MYO3A: variants seen among roughly 807,000 people sequenced by gnomAD.
The protein encoded by MYO3A is myosin-IIIa.
Under a neutral mutation model 192.7 loss-of-function variants are expected in MYO3A, and 180 were observed. The ratio of observed to expected loss-of-function variants is 0.93; its 90% confidence interval spans 0.83 to 1.06. The LOEUF (loss-of-function observed/expected upper bound fraction) is 1.06. Ranked by LOEUF, MYO3A falls within the 50% of genes least tolerant of loss-of-function variation. MYO3A has a pLI of 0.00. For missense variants in MYO3A, 1,896 were observed against 1,905.0 expected (o/e 1.00, Z 0.09); for synonymous variants, 628 against 645.3 (o/e 0.97, Z 0.41).
intron 4 of MYO3A, among the ~76,000 whole-genome samples, chr10:25,974,080 A>G (rs934463526): frequency 1.3e-5 from 2 of 152,230 alleles, no homozygotes; most frequent in African/African-American, 2.4e-5. Context: ...CAAAAGCCCA[A>G]ATCGACAAAT....
chr10:26,046,851 A>C (rs1437701741), intron 10 of MYO3A, among the ~76,000 whole-genome samples: 2 of 152,214 alleles, frequency 1.3e-5, no homozygotes, highest in African/African-American at 4.8e-5. Context: ...TTTCTTTGGT[A>C]CCTTTAGCAT....
intron 6 of MYO3A, among the ~76,000 whole-genome samples, chr10:25,997,569 C>T (rs538000509): frequency 3.9e-5 from 6 of 152,188 alleles, no homozygotes; most frequent in Non-Finnish European, 8.8e-5. Context: ...ATGGTTCCTA[C>T]TAGTGATTGC....
chr10:26,147,077 A>G (rs1840507115), intron 22 of MYO3A, among the ~76,000 whole-genome samples: 2 of 152,234 alleles, frequency 1.3e-5, no homozygotes, highest in South Asian at 4.1e-4. Context: ...ATCAATTATC[A>G]TAGAAATAGG....
rs887154262 is a variant in MYO3A at position 26,153,941 on chromosome 10, C to CT, written c.2715+19dup. On this transcript the variant is annotated intron_variant, in intron 24 of 34. Coordinates refer to ENST00000642920, the MANE Select transcript of MYO3A (RefSeq NM_017433.5). The stretch of plus-strand genomic sequence containing the variant: ...TCAACCTGGCAAAGGTAAGAAAATG[C>CT]TTTTTTTCTTGGCAGTGAGTCTAAG... The CT allele has an allele frequency of 1.3e-6, 2 of 1,552,384 alleles. No homozygotes were observed. The highest frequency in any genetic ancestry group is 1.8e-6 in the Non-Finnish European group (2 of 1,124,686).
intron 6 of MYO3A, among the ~76,000 whole-genome samples, chr10:26,014,454 TA>T (rs1006979986): frequency 2.0e-5 from 3 of 152,030 alleles, no homozygotes; most frequent in African/African-American, 4.8e-5. Context: ...TATTTAACTT[TA>T]AAAAAATCCA....
chr10:26,149,235 G>A (rs1840647816), intron 23 of MYO3A, among the ~76,000 whole-genome samples: 1 of 150,842 alleles, frequency 6.6e-6, no homozygotes. Context: ...GTTTGTTTTT[G>A]TTTTTCATGT....
Position 26,068,816 on chromosome 10 carries a change from T to G in MYO3A, c.1102T>G (p.Tyr368Asp). ...GAAGTGTTATTCCAGAGATCAGATC[T>G]ACGTCTATGTGGGAGACATACTCAT... ...LEKCYSRDQI[Y>D]VYVGDILIAL... The change falls in exon 12 of 35, where the codon TAC becomes GAC. Residue 368 changes from tyrosine (Y) to aspartate (D), a missense_variant. Coordinates refer to ENST00000642920, the MANE Select transcript of MYO3A (RefSeq NM_017433.5). 1 of 1,599,664 alleles carries G rather than the reference T, an allele frequency of 6.3e-7. No individual in the cohort carries two copies. Among genetic ancestry groups the G allele is most frequent in the Non-Finnish European group, 8.6e-7 (1 of 1,166,950 alleles).
chr10:26,175,890 T>C (rs934633500), intron 30 of MYO3A, among the ~76,000 whole-genome samples: 1 of 152,032 alleles, frequency 6.6e-6, no homozygotes, highest in Non-Finnish European at 1.5e-5. Flanking sequence ...AGCCTCACAC[T>C]CAACCCAGCA....
rs766942631 is a variant in MYO3A, at chr10:26,154,743, T to C, written c.2716-3T>C. The C allele has an allele frequency of 3.1e-6, 5 of 1,613,336 alleles. 1 individual carries two copies. The South Asian group carries it at 4.4e-5, about 14-fold the overall frequency. ...GCATCACTGTCTTCCTTGGTCTCCT[T>C]AGGGCGACACTGGAGAAGCCACACG... On this transcript the variant is annotated splice_region_variant and splice_polypyrimidine_tract_variant and intron_variant, in intron 24 of 34. Coordinates refer to ENST00000642920, the MANE Select transcript of MYO3A (RefSeq NM_017433.5).
chr10:26,096,257 A>C, intron 15 of MYO3A, 124 bp from the exon 16 acceptor site: 1 of 706,966 alleles, frequency 1.4e-6, no homozygotes, highest in Non-Finnish European at 2.4e-6. Context: ...AGAAAGCCAA[A>C]ATGCAGTATT....
chr10:26,133,664 A>T lies in MYO3A; in HGVS notation c.2262+5126A>T, dbSNP rs115518051. ...ACTAGAGTGCAGTGGCACAATCAAG[A>T]CTCACTGTAGCATCGAACTCCTGAG... On this transcript the variant is annotated intron_variant, in intron 20 of 34. Coordinates refer to ENST00000642920, the MANE Select transcript of MYO3A (RefSeq NM_017433.5). 6.8e-3 allele frequency among the ~76,000 whole-genome samples: 1,034 copies of T among 152,142 alleles called. 13 individuals are homozygous for T. Among genetic ancestry groups the T allele is most frequent in the African/African-American group, 0.023 (969 of 41,516 alleles).
chr10:26,182,445 A>G (rs1386498880), intron 31 of MYO3A, among the ~76,000 whole-genome samples: 1 of 152,242 alleles, frequency 6.6e-6, no homozygotes, highest in Non-Finnish European at 1.5e-5. Flanking sequence ...GATAGGAACC[A>G]AAAACCCTTT....
intron 20 of MYO3A, among the ~76,000 whole-genome samples, chr10:26,131,623 T>A (rs1378646965): frequency 6.6e-6 from 1 of 152,180 alleles, no homozygotes; most frequent in Non-Finnish European, 1.5e-5. Flanking sequence ...TCTAGATATT[T>A]AGAATGTTAA....
At chr10:26,025,832 G>C (rs1334912565) in intron 9 of MYO3A, among the ~76,000 whole-genome samples, 1 of 152,176 alleles carries the variant, frequency 6.6e-6, no homozygotes, top group Non-Finnish European at 1.5e-5. Flanking sequence ...TACATCTGCT[G>C]TATGACCTCA....
At chr10:25,979,587 C>A (rs971087663) in intron 4 of MYO3A, among the ~76,000 whole-genome samples, 1 of 151,476 alleles carries the variant, frequency 6.6e-6, no homozygotes, top group Non-Finnish European at 1.5e-5. Flanking sequence ...ATTTAATATT[C>A]TCTTTAAAAC....
At chr10:26,013,742 T>C (rs1841814803) in intron 6 of MYO3A, among the ~76,000 whole-genome samples, 1 of 152,092 alleles carries the variant, frequency 6.6e-6, no homozygotes, top group Non-Finnish European at 1.5e-5. Context: ...AAAGTAGATC[T>C]ACCATTTGAT....
At chr10:25,978,503 T>G (rs557861858) in intron 4 of MYO3A, among the ~76,000 whole-genome samples, 4 of 152,116 alleles carry the variant, frequency 2.6e-5, no homozygotes, top group Non-Finnish European at 5.9e-5. Context: ...AGGAAAGACC[T>G]GCCCTCATGA....
Position 26,212,188 on chromosome 10 carries a change from G to A in MYO3A, c.*225G>A, listed in dbSNP as rs375322307. On this transcript the variant is annotated 3_prime_UTR_variant, in exon 35 of 35. Transcript: ENST00000642920. ...GAAACCTCCCCCGACGCTCTCTCTC[G>A]GAACTCCCGCACCCTCCTTTCTCAC... The A allele has an allele frequency of 4.1e-5, 25 of 604,804 alleles. No homozygotes were observed. In the African/African-American group the frequency reaches 4.3e-4, roughly 10 times the overall value. The allele number at this position is 604,804 out of a possible 1,614,324, so 37.5% of individuals were successfully genotyped here. A position where few individuals can be genotyped will look rare whatever the true frequency, so the allele number is the denominator to read the frequency against.
intron 26 of MYO3A, among the ~76,000 whole-genome samples, chr10:26,164,995 A>G (rs1841669786): frequency 6.6e-6 from 1 of 152,176 alleles, no homozygotes; most frequent in Non-Finnish European, 1.5e-5. Flanking sequence ...ACTAACAGCA[A>G]AAGTTATGGT....
Sources: gnomAD v4.1 joint callset for allele counts (sites outside exome capture counted in the v4.1 genomes callset) on GRCh38, gnomAD v4.1.1 for gene constraint, MANE v1.5 for transcripts, NCBI Gene and HGNC (gene_info 2026-07-23, HGNC 2026-07-21) for gene names.